Variants in CTPS2 observed in about 807,000 individuals in gnomAD.
CTPS2 encodes CTP synthase 2.
Under a neutral mutation model 46.8 loss-of-function variants are expected in CTPS2, and 19 were observed. The ratio of observed to expected loss-of-function variants is 0.41; its 90% CI spans 0.28 to 0.60. CTPS2 has a LOEUF of 0.60. Among genes scored for constraint, CTPS2 ranks in the 20% least tolerant of loss-of-function variants. The pLI is 0.35. For synonymous variants in CTPS2, 151 were observed against 165.2 expected (o/e 0.91, Z 0.66); for missense variants, 286 against 447.6 (o/e 0.64, Z 3.26).
chrX:16,603,208 A>G (rs1929766003), intron 17 of CTPS2, among the ~76,000 whole-genome samples: 1 of 110,664 alleles, frequency 9.0e-6, no homozygotes, highest in Non-Finnish European at 1.9e-5. Context: ...CGAGGTCAGG[A>G]GTTCAAGACC....
At chrX:16,652,019 G>C (rs186486096) in intron 13 of CTPS2, among the ~76,000 whole-genome samples, 4 of 106,964 alleles carry the variant, frequency 3.7e-5, no homozygotes, top group Admixed American at 3.0e-4. Context: ...AGAGCAGGAT[G>C]GGGGGGGCCA....
intron 10 of CTPS2, among the ~76,000 whole-genome samples, chrX:16,676,686 T>C (rs1238711261): frequency 1.8e-5 from 2 of 111,484 alleles, no homozygotes; most frequent in Non-Finnish European, 3.8e-5. Context: ...ATTGGTTGTT[T>C]TTGAAGTTTT....
At chrX:16,592,117 G>C (rs149327302) in intron 17 of CTPS2, among the ~76,000 whole-genome samples, 7 of 108,348 alleles carry the variant, frequency 6.5e-5, no homozygotes, top group African/African-American at 2.4e-4. Context: ...GTGTGTGTGT[G>C]TGAGTGTGGG....
At chrX:16,598,242 T>A (rs757960004) in intron 17 of CTPS2, among the ~76,000 whole-genome samples, 2 of 110,735 alleles carry the variant, frequency 1.8e-5, no homozygotes, top group Admixed American at 1.9e-4. Context: ...ACACAAAAAA[T>A]CCTTCAAAAA....
rs949715722 is a variant in CTPS2, at chrX:16,638,716, C to A, written c.1393+431G>T. The A allele has an allele frequency of 1.2e-4, 34 of 287,847 alleles. No individual in the cohort carries two copies. The South Asian group carries it at 1.3e-3, about 11-fold the overall frequency. The allele number at this position is 287,847 out of a possible 1,213,427, so 23.7% of individuals were successfully genotyped here. A position where few individuals can be genotyped will look rare whatever the true frequency, so the allele number is the denominator to read the frequency against. ...TGAGGTGCATAACTGCCCTCCTACTCGGAAGTTCATTTGTGAGTCACTAAG... is the reference window on the plus strand; with the variant it reads ...TGAGGTGCATAACTGCCCTCCTACTAGGAAGTTCATTTGTGAGTCACTAAG... On this transcript the variant is annotated intron_variant, in intron 14 of 18. Coordinates refer to ENST00000359276, the MANE Select transcript of CTPS2 (RefSeq NM_175859.3).
At chrX:16,665,781 C>T (rs999010307) in intron 13 of CTPS2, among the ~76,000 whole-genome samples, 16 of 112,221 alleles carry the variant, frequency 1.4e-4, no homozygotes, top group African/African-American at 3.2e-5. Context: ...GACAAAGTCT[C>T]ACTCTGTTGC....
intron 14 of CTPS2, among the ~76,000 whole-genome samples, chrX:16,624,124 G>A (rs1417593563): frequency 9.0e-6 from 1 of 110,670 alleles, no homozygotes; most frequent in Non-Finnish European, 1.9e-5. Flanking sequence ...GCACCTAGCA[G>A]ATAAGCAGGT....
chrX:16,638,022 G>A (rs1306368384), intron 14 of CTPS2, among the ~76,000 whole-genome samples: 6 of 111,235 alleles, frequency 5.4e-5, no homozygotes, highest in African/African-American at 2.0e-4. Flanking sequence ...TTGGGAGGCC[G>A]AGGCGGGCAG....
intron 16 of CTPS2, among the ~76,000 whole-genome samples, chrX:16,611,428 G>A (rs1369343453): frequency 1.8e-5 from 2 of 108,676 alleles, no homozygotes; most frequent in Admixed American, 2.0e-4. Flanking sequence ...TCCAGCCTGG[G>A]TGACAGGGTG....
intron 14 of CTPS2, 50 bp from the exon 15 acceptor site, chrX:16,620,382 G>T: frequency 1.0e-6 from 1 of 965,146 alleles, no homozygotes; most frequent in Non-Finnish European, 1.5e-6. Flanking sequence ...AGCTTCACAA[G>T]CACATCCATG....
At chrX:16,673,032 G>A (rs1349317276) in intron 10 of CTPS2, among the ~76,000 whole-genome samples, 1 of 104,072 alleles carries the variant, frequency 9.6e-6, no homozygotes, top group Non-Finnish European at 2.0e-5. Flanking sequence ...GACTACAGGC[G>A]CCCGCCACTA....
chrX:16,706,715 G>A (rs1315522835), intron 1 of CTPS2, among the ~76,000 whole-genome samples: 1 of 110,757 alleles, frequency 9.0e-6, no homozygotes, highest in African/African-American at 3.3e-5. Context: ...ACAAAAATTA[G>A]CCGGGCGTGG....
chrX:16,607,931 C>T (rs1489607816), intron 17 of CTPS2, among the ~76,000 whole-genome samples: 3 of 113,184 alleles, frequency 2.7e-5, no homozygotes, highest in East Asian at 5.5e-4. Context: ...GAAATTTTGG[C>T]GGGACACGGA....
In CTPS2 at chrX:16,646,235, G is replaced by A. The variant is rs780980140; in HGVS notation, c.1297-6992C>T. Among the ~76,000 whole-genome samples the A allele has an allele frequency of 7.1e-5, 8 of 112,467 alleles. No individual in the cohort carries two copies. In the East Asian group the frequency reaches 2.0e-3, roughly 28 times the overall value. The stretch of plus-strand genomic sequence containing the variant: ...TTCTCCTGGGAGGGGCATGTGGCAC[G>A]GTGGTTGAGGGTGCAGGCTGGGCCT... On this transcript the variant is annotated intron_variant, in intron 13 of 18. Coordinates refer to ENST00000359276, the MANE Select transcript of CTPS2 (RefSeq NM_175859.3).
At chrX:16,609,730 A>T (rs765288690) in intron 16 of CTPS2, 45 bp from the exon 17 acceptor site, 1 of 1,140,120 alleles carries the variant, frequency 8.8e-7, no homozygotes, top group Non-Finnish European at 1.2e-6. Context: ...GACAAACAGG[A>T]GAACTGCTTT....
chrX:16,693,079 A>T, intron 6 of CTPS2, 62 bp downstream of exon 6: 7 of 712,251 alleles, frequency 9.8e-6, no homozygotes, highest in South Asian at 2.5e-5. Flanking sequence ...AAAAAAAAAA[A>T]GAAGTGAAGG....
At chrX:16,663,452 CT>C (rs1213132547) in intron 13 of CTPS2, among the ~76,000 whole-genome samples, 8 of 111,468 alleles carry the variant, frequency 7.2e-5, no homozygotes, top group Non-Finnish European at 1.5e-4. Flanking sequence ...TAGCCAAGAT[CT>C]TTTTTTTAAA....
chrX:16,608,515 G>A (rs965486131), intron 17 of CTPS2, among the ~76,000 whole-genome samples: 8 of 111,237 alleles, frequency 7.2e-5, no homozygotes, highest in African/African-American at 2.6e-4. Flanking sequence ...GATTTCTTGA[G>A]CCTAGGAGTT....
At chrX:16,697,232 G>A (rs911280156) in intron 4 of CTPS2, among the ~76,000 whole-genome samples, 5 of 109,949 alleles carry the variant, frequency 4.5e-5, no homozygotes, top group African/African-American at 1.3e-4. Flanking sequence ...TGAGCTATAC[G>A]TGGCTCAGGG....
Sources: gnomAD v4.1 joint callset for allele counts (sites outside exome capture counted in the v4.1 genomes callset) on GRCh38, gnomAD v4.1.1 for gene constraint, MANE v1.5 for transcripts, NCBI Gene and HGNC (gene_info 2026-07-23, HGNC 2026-07-21) for gene names.